Variants in CBL observed in about 807,000 individuals in gnomAD.
The protein encoded by CBL is E3 ubiquitin-protein ligase CBL.
CBL carries 45 observed loss-of-function variants against 96.9 expected under a neutral mutation model. That is an observed-to-expected ratio of 0.46 (90% confidence interval 0.37 to 0.60). The LOEUF is 0.60. Among genes scored for constraint, CBL ranks in the 20% least tolerant of loss-of-function variants. The pLI is 0.00. For missense variants in CBL, 1,024 were observed against 1,143.5 expected, an observed-to-expected ratio of 0.90 and a Z score of 1.51; for synonymous variants, 420 against 426.8, an observed-to-expected ratio of 0.98 and a Z score of 0.20.
At chr11:119,210,033 TAGGC>T (rs1359961899) in intron 1 of CBL, among the ~76,000 whole-genome samples, 1 of 152,152 alleles carries the variant, frequency 6.6e-6, no homozygotes, top group East Asian at 1.9e-4. Context: ...AAAAGACAAT[TAGGC>T]AGGGAGGAGA....
intron 2 of CBL, among the ~76,000 whole-genome samples, chr11:119,248,302 G>A (rs1565864092): frequency 6.6e-6 from 1 of 152,220 alleles, no homozygotes; most frequent in Non-Finnish European, 1.5e-5. Flanking sequence ...AGAATTGAGA[G>A]CCCAGAAATA....
Position 119,216,633 on chromosome 11 carries a change from G to T in CBL, c.195+10021G>T, listed in dbSNP as rs535097374. Among the ~76,000 whole-genome samples, 5 of 152,246 alleles carry T rather than the reference G, an allele frequency of 3.3e-5. No individual in the cohort carries two copies. In the East Asian group the frequency reaches 9.7e-4, roughly 29 times the overall value. On this transcript the variant is annotated intron_variant, in intron 1 of 15. Coordinates refer to ENST00000264033, the MANE Select transcript of CBL (RefSeq NM_005188.4). ...GATCCGCCTGCCTCGGCCTCCCAAA[G>T]TGCTGGGATTACAGGCTTGAGCCAC...
At position 119,277,742 on chromosome 11, in the gene CBL, G is replaced by C; in HGVS notation, c.1008-15G>C. 1 of 1,592,674 alleles carries C rather than the reference G, an allele frequency of 6.3e-7. No homozygotes were observed. The highest frequency in any genetic ancestry group is 1.1e-5 in the South Asian group (1 of 90,618). ...ATTGGCTTAAATAAAACCCAGGGTT[G>C]GTTACTCTTTACAGCTATTTGTTTC... is the stretch of plus-strand genomic sequence containing the variant. On this transcript the variant is annotated splice_polypyrimidine_tract_variant and intron_variant, in intron 6 of 15. Coordinates refer to ENST00000264033, the MANE Select transcript of CBL (RefSeq NM_005188.4).
intron 1 of CBL, among the ~76,000 whole-genome samples, chr11:119,217,272 G>T (rs1241626662): frequency 2.0e-5 from 3 of 152,102 alleles, no homozygotes; most frequent in Non-Finnish European, 2.9e-5. Flanking sequence ...ATGTACCACA[G>T]GCCCGGCTAA....
chr11:119,277,012 G>A (rs752930929), intron 6 of CBL, among the ~76,000 whole-genome samples: 22 of 152,164 alleles, frequency 1.4e-4, no homozygotes, highest in Admixed American at 2.6e-4. Flanking sequence ...TTGGGAGGCC[G>A]AGACGGGTGG....
At chr11:119,233,290 G>A (rs931716394) in intron 2 of CBL, among the ~76,000 whole-genome samples, 2 of 151,824 alleles carry the variant, frequency 1.3e-5, no homozygotes, top group Non-Finnish European at 1.5e-5. Context: ...TGGCTCTGTC[G>A]CCCAGGCTGG....
intron 2 of CBL, among the ~76,000 whole-genome samples, chr11:119,262,465 C>T (rs887931873): frequency 1.3e-5 from 2 of 152,176 alleles, no homozygotes; most frequent in Admixed American, 6.6e-5. Flanking sequence ...AAGATGGTAA[C>T]ATTAGGGGAA....
Position 119,285,402 on chromosome 11 carries a change from C to T in CBL, c.1777C>T (p.Arg593Trp), listed in dbSNP as rs776999573. Residue 593 changes from arginine (R) to tryptophan (W), a missense_variant, in exon 11 of 16, where the codon CGG (arginine) becomes TGG (tryptophan). Physicochemically the swap from Arg to Trp is moderately radical, Grantham distance 101 (BLOSUM62 -3). Transcript: ENST00000264033. ...SSRLGDSWLP[R>W]PIPKVPVSAP... The stretch of plus-strand genomic sequence containing the variant: ...CCGCCTTGGAGACTCATGGCTGCCC[C>T]GGCCAATCCCCAAAGTACCAGTATC... 37 of 1,614,172 alleles carry T rather than the reference C, an allele frequency of 2.3e-5. No individual in the cohort carries two copies. The East Asian group carries it at 6.2e-4, about 27-fold the overall frequency.
chr11:119,291,315 G>A (rs555173113), intron 12 of CBL, among the ~76,000 whole-genome samples: 1 of 152,300 alleles, frequency 6.6e-6, no homozygotes, highest in Non-Finnish European at 1.5e-5. Flanking sequence ...AGCCCAGGAC[G>A]TTGAGGCTGC....
intron 1 of CBL, among the ~76,000 whole-genome samples, chr11:119,215,686 G>C (rs1412977771): frequency 6.6e-6 from 1 of 151,818 alleles, no homozygotes; most frequent in Admixed American, 6.6e-5. Context: ...AAAAAGCCGA[G>C]GGTTGTGGCA....
intron 1 of CBL, among the ~76,000 whole-genome samples, chr11:119,225,846 G>C (rs1298171551): frequency 6.8e-6 from 1 of 146,108 alleles, no homozygotes; most frequent in Non-Finnish European, 1.5e-5. Flanking sequence ...TTCTGCCTCA[G>C]CCTCCCGAGT....
intron 12 of CBL, among the ~76,000 whole-genome samples, chr11:119,290,970 C>T (rs1016999875): frequency 1.9e-4 from 29 of 152,164 alleles, no homozygotes; most frequent in East Asian, 1.9e-4. Flanking sequence ...TGAGCCACTG[C>T]GCCTGGCCCA....
rs1241441421 is a variant in CBL, at chr11:119,253,677, A to G, written c.444-18058A>G. Among the ~76,000 whole-genome samples, 3 of 148,260 alleles carry G rather than the reference A, an allele frequency of 2.0e-5. No individual in the cohort carries two copies. In the East Asian group the frequency reaches 6.0e-4, roughly 29 times the overall value. ...GTTAAACTCTGTCTTAATAATAATA[A>G]TAATAATAAAATTATCTGGGTGTGG... On this transcript the variant is annotated intron_variant, in intron 2 of 15. Transcript: ENST00000264033.
At chr11:119,221,678 G>A (rs1446019750) in intron 1 of CBL, among the ~76,000 whole-genome samples, 1 of 150,042 alleles carries the variant, frequency 6.7e-6, no homozygotes, top group Non-Finnish European at 1.5e-5. Flanking sequence ...TGAGGCAGGA[G>A]AATTGCTTGA....
chr11:119,240,872 A>ACATCCTGTT (rs1395421408), intron 2 of CBL, among the ~76,000 whole-genome samples: 1 of 152,108 alleles, frequency 6.6e-6, no homozygotes, highest in African/African-American at 2.4e-5. Context: ...CAGGAGTTCA[A>ACATCCTGTT]GACCAGCCTG....
intron 3 of CBL, among the ~76,000 whole-genome samples, chr11:119,273,112 G>A (rs142542428): frequency 2.6e-5 from 4 of 151,964 alleles, no homozygotes; most frequent in African/African-American, 4.8e-5. Flanking sequence ...GGGACTACAC[G>A]TGTGTGCTGC....
chr11:119,300,882 A>T lies in CBL; in HGVS notation c.*1101A>T, dbSNP rs1260475113. On this transcript the variant is annotated 3_prime_UTR_variant, in exon 16 of 16. Coordinates refer to ENST00000264033, the MANE Select transcript of CBL (RefSeq NM_005188.4). ...CTTCGTTCACATGCTATTTAAATGC[A>T]CAAAATAGACAGTAAGGATTTATCT... 1.4e-5 allele frequency: 4 copies of T among 283,656 alleles called. No individual in the cohort carries two copies. Among genetic ancestry groups the T allele is most frequent in the South Asian group, 1.7e-4 (1 of 6,004 alleles). The allele number at this position is 283,656 out of a possible 1,614,324, so 17.6% of individuals were successfully genotyped here.
intron 2 of CBL, among the ~76,000 whole-genome samples, chr11:119,262,884 T>C (rs1371488841): frequency 1.3e-5 from 2 of 152,166 alleles, no homozygotes; most frequent in Non-Finnish European, 2.9e-5. Flanking sequence ...TTAGTAACCG[T>C]AGTCATTGGA....
At chr11:119,285,807 T>G (rs1359549392) in intron 11 of CBL, among the ~76,000 whole-genome samples, 2 of 150,570 alleles carry the variant, frequency 1.3e-5, no homozygotes, top group Non-Finnish European at 3.0e-5. Flanking sequence ...GAGGTGGGAA[T>G]ATTGCTTGGG....
Sources: allele counts gnomAD v4.1 joint callset (sites outside exome capture counted in the v4.1 genomes callset), GRCh38; gene constraint gnomAD v4.1.1; transcripts MANE v1.5; gene names NCBI Gene and HGNC (gene_info 2026-07-23, HGNC 2026-07-21).